Variants in HTR4 observed in about 807,000 individuals in gnomAD.
The protein encoded by HTR4 is 5-hydroxytryptamine (serotonin) receptor 4, G protein-coupled.
HTR4 carries 16 observed loss-of-function variants against 36.8 expected under a neutral mutation model. The ratio of observed to expected loss-of-function variants is 0.43; its 90% CI spans 0.29 to 0.66. The LOEUF is 0.66. Ranked by LOEUF, HTR4 falls within the 30% of genes least tolerant of loss-of-function variation. HTR4 has a pLI of 0.13. For missense variants in HTR4, 438 were observed against 490.9 expected (o/e 0.89, Z 1.02); for synonymous variants, 189 against 185.1 (o/e 1.02, Z -0.17).
At chr5:148,610,507 C>G (rs1242439165) in intron 2 of HTR4, among the ~76,000 whole-genome samples, 6 of 150,358 alleles carry the variant, frequency 4.0e-5, no homozygotes, top group Non-Finnish European at 7.4e-5. Context: ...AAAGGACATC[C>G]ACACCAAAAA....
intron 5 of HTR4, among the ~76,000 whole-genome samples, chr5:148,467,737 T>C (rs563678780): frequency 6.6e-6 from 1 of 152,370 alleles, no homozygotes; most frequent in African/African-American, 2.4e-5. Flanking sequence ...TCCTGAGACC[T>C]CTGGCTGTTT....
At chr5:148,605,198 T>C (rs943244389) in intron 2 of HTR4, among the ~76,000 whole-genome samples, 2 of 152,074 alleles carry the variant, frequency 1.3e-5, no homozygotes, top group Admixed American at 6.5e-5. Flanking sequence ...TCTGCTTTTT[T>C]CAGTATGTTC....
At chr5:148,560,121 C>T (rs1760130654) in intron 2 of HTR4, among the ~76,000 whole-genome samples, 1 of 148,400 alleles carries the variant, frequency 6.7e-6, no homozygotes. Context: ...GCTTATATTA[C>T]TTTGGGTTCT....
chr5:148,559,091 G>A (rs1351321052), intron 2 of HTR4, among the ~76,000 whole-genome samples: 1 of 152,204 alleles, frequency 6.6e-6, no homozygotes. Flanking sequence ...GTAGAGCGTA[G>A]GTTGTTTACC....
chr5:148,644,294 T>A (rs1753810220), intron 1 of HTR4, among the ~76,000 whole-genome samples: 1 of 152,092 alleles, frequency 6.6e-6, no homozygotes, highest in South Asian at 2.1e-4. Context: ...CCCTTTTCAT[T>A]TTCTGTTTTA....
chr5:148,582,538 T>C (rs545205402), intron 2 of HTR4, among the ~76,000 whole-genome samples: 6 of 152,214 alleles, frequency 3.9e-5, no homozygotes, highest in African/African-American at 1.4e-4. Flanking sequence ...AACTGCCACT[T>C]AGATGTGAGA....
intron 2 of HTR4, among the ~76,000 whole-genome samples, chr5:148,609,427 C>T (rs1752315731): frequency 6.6e-6 from 1 of 152,190 alleles, no homozygotes; most frequent in South Asian, 2.1e-4. Context: ...AATTTTCAAA[C>T]ATCATGGCTC....
At chr5:148,583,298 G>C (rs935893220) in intron 2 of HTR4, among the ~76,000 whole-genome samples, 1 of 148,250 alleles carries the variant, frequency 6.7e-6, no homozygotes, top group African/African-American at 2.5e-5. Flanking sequence ...CTTGGGGGAG[G>C]GGGGAGGGAT....
chr5:148,465,047 C>G (rs1044313860), intron 5 of HTR4, among the ~76,000 whole-genome samples: 101 of 151,498 alleles, frequency 6.7e-4, no homozygotes, highest in Non-Finnish European at 8.4e-4. Context: ...ATAAAAAGAT[C>G]AATTGTTGCC....
intron 5 of HTR4, among the ~76,000 whole-genome samples, chr5:148,455,547 T>G (rs17777066): frequency 0.41 from 61,539 of 151,874 alleles, 14,346 homozygotes; most frequent in African/African-American, 0.64. Context: ...CCAAATGGAG[T>G]TTCCCTTTCT....
At chr5:148,556,837 A>G (rs182525016) in intron 2 of HTR4, among the ~76,000 whole-genome samples, 12 of 152,300 alleles carry the variant, frequency 7.9e-5, no homozygotes, top group African/African-American at 2.6e-4. Flanking sequence ...TATGATAGAA[A>G]ACACGCTGGC....
chr5:148,636,206 T>C (rs10041374), intron 2 of HTR4, among the ~76,000 whole-genome samples: 1,730 of 152,300 alleles, frequency 0.011, 38 homozygotes, highest in African/African-American at 0.04. Context: ...CTATGTCAAA[T>C]GCAGAGGCAC....
At chr5:148,617,997 G>A (rs1025004556) in intron 2 of HTR4, among the ~76,000 whole-genome samples, 1 of 152,208 alleles carries the variant, frequency 6.6e-6, no homozygotes, top group African/African-American at 2.4e-5. Context: ...TTCCCTCTTC[G>A]GCAACAGCTT....
chr5:148,539,120 T>C (rs987185010), intron 4 of HTR4, among the ~76,000 whole-genome samples: 2 of 152,128 alleles, frequency 1.3e-5, no homozygotes, highest in African/African-American at 2.4e-5. Flanking sequence ...AAACAGGCAA[T>C]TGGGAAAAGA....
chr5:148,613,694 G>C (rs1337206094), intron 2 of HTR4, among the ~76,000 whole-genome samples: 1 of 149,658 alleles, frequency 6.7e-6, no homozygotes, highest in African/African-American at 2.5e-5. Flanking sequence ...AATTAGGCAG[G>C]AGAAGGAAAT....
At chr5:148,604,133 A>G (rs1252382043) in intron 2 of HTR4, among the ~76,000 whole-genome samples, 1 of 152,180 alleles carries the variant, frequency 6.6e-6, no homozygotes, top group Non-Finnish European at 1.5e-5. Flanking sequence ...GATTTCTTAA[A>G]TAAGATGCAA....
At position 148,530,232 on chromosome 5, in the gene HTR4, C is replaced by T. The variant is rs561230302; in HGVS notation, c.354-6886G>A. On this transcript the variant is annotated intron_variant, in intron 4 of 6. Transcript: ENST00000377888. ...AGTAACAAGAAGCTGAATGTTAATC[C>T]CCAAGACAATGGAGAAAATGTCTCC... Among the ~76,000 whole-genome samples, 5 of 152,232 alleles carry T rather than the reference C, an allele frequency of 3.3e-5. No homozygotes were observed. In the South Asian group the frequency reaches 1.0e-3, roughly 32 times the overall value.
chr5:148,590,002 C>T (rs1761499274), intron 2 of HTR4, among the ~76,000 whole-genome samples: 1 of 152,024 alleles, frequency 6.6e-6, no homozygotes, highest in Admixed American at 6.6e-5. Flanking sequence ...CTCTCCTTTC[C>T]CCAGCACTCC....
intron 2 of HTR4, among the ~76,000 whole-genome samples, chr5:148,625,521 T>C (rs1753069715): frequency 6.6e-6 from 1 of 152,170 alleles, no homozygotes; most frequent in Non-Finnish European, 1.5e-5. Flanking sequence ...GAAGCATCAA[T>C]GTTCCTGCAA....
Sources: allele counts gnomAD v4.1 joint callset (sites outside exome capture counted in the v4.1 genomes callset), GRCh38; gene constraint gnomAD v4.1.1; transcripts MANE v1.5; gene names NCBI Gene and HGNC (gene_info 2026-07-23, HGNC 2026-07-21).